TACC3: variants seen among roughly 807,000 people sequenced by gnomAD.
TACC3 encodes transforming acidic coiled-coil-containing protein 3.
In TACC3, 52 loss-of-function variants were observed where a neutral mutation model predicts 86.0. That is an observed-to-expected ratio of 0.60 (90% CI 0.48 to 0.76). TACC3 has a LOEUF of 0.76. Ranked by LOEUF, TACC3 falls within the 30% of genes least tolerant of loss-of-function variation. The pLI, the probability that TACC3 is intolerant of heterozygous loss-of-function variation, is 0.00. For missense variants in TACC3, 1,120 were observed against 1,070.4 expected, an observed-to-expected ratio of 1.05 and a Z score of -0.65; for synonymous variants, 512 against 430.0, an observed-to-expected ratio of 1.19 and a Z score of -2.36.
intron 8 of TACC3, among the ~76,000 whole-genome samples, 164 bp from the exon 9 acceptor site, chr4:1,737,077 G>C (rs925558016): frequency 1.3e-5 from 2 of 152,224 alleles, no homozygotes; most frequent in African/African-American, 4.8e-5. Flanking sequence ...GCAGCAGAGA[G>C]GCCGGGCATG....
intron 10 of TACC3, 23 bp from the exon 11 acceptor site, chr4:1,739,679 T>A (rs756162876): frequency 6.4e-7 from 1 of 1,563,886 alleles, no homozygotes; most frequent in Non-Finnish European, 8.7e-7. Context: ...GCCTGCCTGC[T>A]GACTTGGGTG....
chr4:1,726,213 G>T (rs1717680778), intron 3 of TACC3, among the ~76,000 whole-genome samples: 1 of 152,196 alleles, frequency 6.6e-6, no homozygotes, highest in Admixed American at 6.5e-5. Context: ...CCCTGGGAAG[G>T]TGTTCTCTGC....
chr4:1,720,955 A>G, upstream of TACC3: 1 of 689,722 alleles, frequency 1.4e-6, no homozygotes, highest in South Asian at 5.3e-5. The surrounding 1 kb of genome is among the most constrained non-coding windows in gnomAD (Gnocchi z 4.4). Flanking sequence ...CCCGCGGGGC[A>G]CTCTAGGACA....
chr4:1,723,708 T>G lies in TACC3; in HGVS notation c.163-20T>G. ...AGCTTGAACTAATGAATAGGTGCTC[T>G]CCTCCTCACTCCGCAACAGGTGACT... On this transcript the variant is annotated intron_variant, in intron 2 of 15. Transcript: ENST00000313288. The G allele has an allele frequency of 6.2e-7, 1 of 1,613,488 alleles. No individual in the cohort carries two copies. Among genetic ancestry groups the G allele is most frequent in the Non-Finnish European group, 8.5e-7 (1 of 1,179,968 alleles).
chr4:1,726,610 C>A (rs138886519), intron 3 of TACC3, among the ~76,000 whole-genome samples: 36 of 152,290 alleles, frequency 2.4e-4, no homozygotes, highest in Admixed American at 1.1e-3. Context: ...AATTCAGGGT[C>A]ATTAAGTGGT....
chr4:1,724,863 G>A (rs139661538), intron 3 of TACC3, among the ~76,000 whole-genome samples: 2,864 of 151,336 alleles, frequency 0.019, 113 homozygotes, highest in African/African-American at 0.065. Flanking sequence ...CTGGGCTCAA[G>A]CAGTCCTCCA....
intron 6 of TACC3, among the ~76,000 whole-genome samples, chr4:1,734,012 A>G (rs1718134562): frequency 6.6e-6 from 1 of 152,046 alleles, no homozygotes; most frequent in Non-Finnish European, 1.5e-5. Flanking sequence ...TGACAAGGCC[A>G]TAGCAGAGAA....
At position 1,737,454 on chromosome 4, in the gene TACC3, G is replaced by C. The variant is rs553625974; in HGVS notation, c.1836+126G>C. The C allele has an allele frequency of 5.6e-5, 64 of 1,137,824 alleles. No homozygotes were observed. The African/African-American group carries it at 8.4e-4, about 15-fold the overall frequency. The allele number at this position is 1,137,824 out of a possible 1,614,324, so 70.5% of individuals were successfully genotyped here. A position where few individuals can be genotyped will look rare whatever the true frequency, so the allele number is the denominator to read the frequency against. On this transcript the variant is annotated intron_variant, in intron 9 of 15. Coordinates refer to ENST00000313288, the MANE Select transcript of TACC3 (RefSeq NM_006342.3). The stretch of plus-strand genomic sequence containing the variant: ...GTTTTGTTGGGGGCATGGGGCCGCT[G>C]TGCTGTTCCCTCGCCGCACTGTCTC...
rs369199759 is a variant in TACC3 at position 1,740,926 on chromosome 4, C to T, written c.2163C>T (p.Ser721=). ...CAGATCTGAACTCCATGGAGAAGTC[C>T]TTCTCCGACCTCTTCAAGCGTTTTG... ...LTTDLNSMEK[S]FSDLFKRFEK... The change falls in exon 13 of 16, where the codon TCC becomes TCT. Residue 721 remains serine, a synonymous_variant. Transcript: ENST00000313288. The T allele has an allele frequency of 6.8e-6, 11 of 1,612,828 alleles. No homozygotes were observed. Among genetic ancestry groups the T allele is most frequent in the Admixed American group, 3.3e-5 (2 of 59,842 alleles).
chr4:1,727,156 G>A (rs1248076410), intron 3 of TACC3, among the ~76,000 whole-genome samples: 2 of 151,886 alleles, frequency 1.3e-5, no homozygotes, highest in African/African-American at 2.4e-5. Flanking sequence ...AAAAATAAAG[G>A]AAGTGGTGGG....
chr4:1,744,856 AG>A (rs769928929), intron 15 of TACC3, 24 bp downstream of exon 15: 1 of 1,612,878 alleles, frequency 6.2e-7, no homozygotes, highest in South Asian at 1.1e-5. Flanking sequence ...GCCCAGCTCA[AG>A]GGGCCGTCTG....
At chr4:1,729,472 G>C (rs917587725) in intron 4 of TACC3, among the ~76,000 whole-genome samples, 1 of 152,188 alleles carries the variant, frequency 6.6e-6, no homozygotes, top group Non-Finnish European at 1.5e-5. Context: ...ACAGGTTAAG[G>C]AGTGTGAGCC....
intron 13 of TACC3, among the ~76,000 whole-genome samples, chr4:1,742,479 A>G (rs369925780): frequency 6.6e-6 from 1 of 152,260 alleles, no homozygotes; most frequent in African/African-American, 2.4e-5. Context: ...GACCCAGTGC[A>G]GACTTTAAAG....
Position 1,723,812 on chromosome 4 carries a change from A to G in TACC3, c.247A>G (p.Thr83Ala). 1.2e-6 allele frequency: 2 copies of G among 1,613,696 alleles called. No individual in the cohort carries two copies. The highest frequency in any genetic ancestry group is 1.7e-6 in the Non-Finnish European group (2 of 1,180,008). The stretch of plus-strand genomic sequence containing the variant: ...GGCCAGCAAACTTGAGGCTCCTTTC[A>G]CTCAGGATGACACCCTTGGACTGGA... ...SMASKLEAPF[T>A]QDDTLGLENS... The change falls in exon 3 of 16, where the codon ACT (threonine) becomes GCT (alanine). Residue 83 changes from threonine to alanine, a missense_variant. By Grantham distance (58) the Thr-to-Ala change is moderately conservative. Coordinates refer to ENST00000313288, the MANE Select transcript of TACC3 (RefSeq NM_006342.3).
At chr4:1,725,606 T>TA (rs1378926065) in intron 3 of TACC3, among the ~76,000 whole-genome samples, 7 of 152,170 alleles carry the variant, frequency 4.6e-5, no homozygotes, top group African/African-American at 1.7e-4. Context: ...GCCTCTCCCC[T>TA]ATGCCTCCAG....
intron 3 of TACC3, among the ~76,000 whole-genome samples, 169 bp downstream of exon 3, chr4:1,724,039 G>A (rs898263496): frequency 2.0e-5 from 3 of 152,054 alleles, no homozygotes; most frequent in Non-Finnish European, 2.9e-5. Context: ...CGCGATGTCC[G>A]CTCACTGCAA....
At chr4:1,724,044 C>G (rs550206014) in intron 3 of TACC3, among the ~76,000 whole-genome samples, 174 bp downstream of exon 3, 1 of 152,146 alleles carries the variant, frequency 6.6e-6, no homozygotes, top group African/African-American at 2.4e-5. Context: ...TGTCCGCTCA[C>G]TGCAAGCTCC....
intron 6 of TACC3, 150 bp downstream of exon 6, chr4:1,731,451 T>A (rs948270499): frequency 7.8e-6 from 7 of 897,034 alleles, no homozygotes; most frequent in Non-Finnish European, 1.2e-5. Flanking sequence ...CACAAACTTG[T>A]GGTTTGTCAA....
At chr4:1,744,335 A>T (rs1393549784) in intron 13 of TACC3, 183 bp from the exon 14 acceptor site, 1 of 608,224 alleles carries the variant, frequency 1.6e-6, no homozygotes, top group Non-Finnish European at 2.9e-6. Context: ...GCTGTCCTGA[A>T]CCTCCAGAGG....
Sources: gnomAD v4.1 joint callset for allele counts (sites outside exome capture counted in the v4.1 genomes callset) on GRCh38, gnomAD v4.1.1 for gene constraint, Gnocchi (gnomAD v3.1) non-coding constraint, MANE v1.5 for transcripts, NCBI Gene and HGNC (gene_info 2026-07-23, HGNC 2026-07-21) for gene names.